Variants in ANAPC1 observed in about 807,000 individuals in gnomAD.
The protein encoded by ANAPC1 is anaphase promoting complex subunit 1.
Under a neutral mutation model 208.0 loss-of-function variants are expected in ANAPC1, and 36 were observed. The observed-to-expected ratio is 0.17, with a 90% CI of 0.13 to 0.23. The LOEUF (loss-of-function observed/expected upper bound fraction) is 0.23, where lower values mean the gene tolerates loss of function less well. ANAPC1 is among the 10% of genes least tolerant of loss of function. The pLI, the probability that ANAPC1 is intolerant of heterozygous loss-of-function variation, is 1.00. For missense variants in ANAPC1, 942 were observed against 2,011.6 expected (o/e 0.47, Z 10.17); for synonymous variants, 378 against 695.2 (o/e 0.54, Z 7.18).
intron 21 of ANAPC1, 125 bp from the exon 22 acceptor site, chr2:111,825,980 A>C (rs1679811184): frequency 4.1e-6 from 3 of 723,312 alleles, no homozygotes; most frequent in Non-Finnish European, 6.6e-6. Flanking sequence ...TGGCTCAAGC[A>C]ATCTTCCTGC....
At chr2:111,875,635 A>C (rs1049630544) in intron 3 of ANAPC1, among the ~76,000 whole-genome samples, 1 of 152,144 alleles carries the variant, frequency 6.6e-6, no homozygotes, top group Non-Finnish European at 1.5e-5. Flanking sequence ...ATCTCTTCTC[A>C]AAACACAAAA....
intron 34 of ANAPC1, among the ~76,000 whole-genome samples, chr2:111,796,399 C>T (rs1407658114): frequency 2.0e-5 from 3 of 147,240 alleles, no homozygotes; most frequent in Non-Finnish European, 4.4e-5. Context: ...GGTGCGATCA[C>T]GGCTCATTGC....
In ANAPC1 at chr2:111,846,550, T is replaced by TAC. The variant is rs1472004873; in HGVS notation, c.1852+587_1852+588insGT. 2.8e-3 allele frequency among the ~76,000 whole-genome samples: 199 copies of TAC among 70,414 alleles called. 1 individual carries two copies. Among genetic ancestry groups the TAC allele is most frequent in the Non-Finnish European group, 4.1e-3 (161 of 39,368 alleles). 46.2% of individuals were successfully genotyped at this position (70,414 alleles called of 152,430 possible). A position where few individuals can be genotyped will look rare whatever the true frequency, so the allele number is the denominator to read the frequency against. On this transcript the variant is annotated intron_variant, in intron 16 of 47. Transcript: ENST00000341068. ...ATACATATACATATATATATATATA[T>TAC]ATATATATATTTTTTTTTTTTTTTT...
At chr2:111,823,000 C>CTTTTT (rs58815496) in intron 24 of ANAPC1, among the ~76,000 whole-genome samples, 6 of 61,312 alleles carry the variant, frequency 9.8e-5, no homozygotes, top group African/African-American at 2.8e-4. Context: ...TCTTTTTATT[C>CTTTTT]TTTTTTTTTT....
intron 26 of ANAPC1, among the ~76,000 whole-genome samples, chr2:111,820,292 C>T (rs1169703037): frequency 6.6e-5 from 10 of 152,220 alleles, no homozygotes; most frequent in Non-Finnish European, 1.3e-4. Flanking sequence ...ATACACAGCA[C>T]CATCCCATGA....
chr2:111,815,166 A>G (rs989669584), intron 28 of ANAPC1, among the ~76,000 whole-genome samples: 7 of 146,354 alleles, frequency 4.8e-5, no homozygotes, highest in African/African-American at 1.3e-4. Context: ...AAAAAAAAAA[A>G]GCAATGGGAG....
chr2:111,864,125 A>C (rs940537111), intron 8 of ANAPC1, among the ~76,000 whole-genome samples: 1 of 151,978 alleles, frequency 6.6e-6, no homozygotes, highest in African/African-American at 2.4e-5. Flanking sequence ...CAAGGAATTC[A>C]AGACCAGCCT....
chr2:111,875,383 G>A (rs1025475646), intron 3 of ANAPC1, among the ~76,000 whole-genome samples: 1 of 107,950 alleles, frequency 9.3e-6, no homozygotes, highest in Non-Finnish European at 2.2e-5. Context: ...ACAATGCACC[G>A]ATTACAGTCT....
At chr2:111,833,122 G>C (rs992388777) in intron 20 of ANAPC1, 98 bp downstream of exon 20, 3 of 1,420,784 alleles carry the variant, frequency 2.1e-6, no homozygotes, top group Non-Finnish European at 2.8e-6. Context: ...TGACTTAGAA[G>C]CTAATGGTAA....
At chr2:111,766,888 T>A, downstream of ANAPC1, 1 of 464,872 alleles carries the variant, frequency 2.2e-6, no homozygotes, top group South Asian at 1.6e-5. Flanking sequence ...GTCAGCTAGT[T>A]ACTAGACAAA....
chr2:111,860,958 T>C (rs1682030223), intron 10 of ANAPC1, among the ~76,000 whole-genome samples: 1 of 152,218 alleles, frequency 6.6e-6, no homozygotes, highest in Admixed American at 6.5e-5. Flanking sequence ...ACCTATAAGC[T>C]GACAATTCCA....
Position 111,829,574 on chromosome 2 carries a change from AC to A in ANAPC1, c.2625+1711del, listed in dbSNP as rs1680020561. 2.0e-5 allele frequency among the ~76,000 whole-genome samples: 3 copies of A among 152,180 alleles called. No individual in the cohort carries two copies. In the East Asian group the frequency reaches 5.8e-4, roughly 29 times the overall value. ...GTATGCCAAGAAACTTACCTTATTC[AC>A]CGTTACAGCCCTATGGTTCTATATG... On this transcript the variant is annotated intron_variant, in intron 21 of 47. Coordinates refer to ENST00000341068, the MANE Select transcript of ANAPC1 (RefSeq NM_022662.4).
intron 8 of ANAPC1, 24 bp downstream of exon 8, chr2:111,864,782 G>A (rs779402110): frequency 3.6e-5 from 58 of 1,609,996 alleles, no homozygotes; most frequent in African/African-American, 5.4e-5. Context: ...CTATTAAGGA[G>A]AAGTGACTTG....
At position 111,774,851 on chromosome 2, in the gene ANAPC1, T is replaced by C. The variant is rs1676921329; in HGVS notation, c.5584+2008A>G. Among the ~76,000 whole-genome samples, 4 of 126,438 alleles carry C rather than the reference T, an allele frequency of 3.2e-5. No individual in the cohort carries two copies. The South Asian group carries it at 1.2e-3, about 38-fold the overall frequency. 82.9% of individuals were successfully genotyped at this position (126,438 alleles called of 152,430 possible). A position where few individuals can be genotyped will look rare whatever the true frequency, so the allele number is the denominator to read the frequency against. On this transcript the variant is annotated intron_variant, in intron 46 of 47. Transcript: ENST00000341068. ...GTTTATTACACTAGTCTACTTACTT[T>C]GTATATTCTTTAAATTTCCATAACA...
Position 111,858,251 on chromosome 2 carries a change from G to C in ANAPC1, c.1358+55C>G, listed in dbSNP as rs1387695104. On this transcript the variant is annotated intron_variant, in intron 11 of 47. Transcript: ENST00000341068. ...AAAAAAAAAGGAAAGAAAAGAAAAAGAAAAAGCAGTGCTAAGTTATTTATA... is the reference window on the plus strand; with the variant it reads ...AAAAAAAAAGGAAAGAAAAGAAAAACAAAAAGCAGTGCTAAGTTATTTATA... 9.9e-6 allele frequency: 13 copies of C among 1,318,252 alleles called. No individual in the cohort carries two copies. In the East Asian group the frequency reaches 3.3e-4, roughly 33 times the overall value. The allele number at this position is 1,318,252 out of a possible 1,614,324, so 81.7% of individuals were successfully genotyped here. A position where few individuals can be genotyped will look rare whatever the true frequency, so the allele number is the denominator to read the frequency against.
chr2:111,782,255 C>T (rs1172589408), intron 43 of ANAPC1, 114 bp downstream of exon 43: 2 of 1,068,070 alleles, frequency 1.9e-6, no homozygotes, highest in Non-Finnish European at 2.7e-6. Context: ...TCAGTCTTTA[C>T]AATCTGCAAC....
intron 34 of ANAPC1, among the ~76,000 whole-genome samples, chr2:111,798,831 G>A (rs1237212733): frequency 1.3e-5 from 2 of 152,252 alleles, no homozygotes; most frequent in Admixed American, 6.5e-5. Context: ...TCAGGAGATC[G>A]AGACCATCTT....
chr2:111,858,297 T>C lies in ANAPC1; in HGVS notation c.1358+9A>G, dbSNP rs751800347. 2 of 1,607,070 alleles carry C rather than the reference T, an allele frequency of 1.2e-6. No homozygotes were observed. The highest frequency in any genetic ancestry group is 1.7e-6 in the Non-Finnish European group (2 of 1,174,740). ...TTATACAGAAACAATGGGAAAGACATACACCTACCGTAACTGGAGCTGGGA... is the reference window on the plus strand; with the variant it reads ...TTATACAGAAACAATGGGAAAGACACACACCTACCGTAACTGGAGCTGGGA... On this transcript the variant is annotated intron_variant, in intron 11 of 47. Coordinates refer to ENST00000341068, the MANE Select transcript of ANAPC1 (RefSeq NM_022662.4).
chr2:111,847,250 T>C (rs566913842), intron 15 of ANAPC1, 52 bp from the exon 16 acceptor site: 1 of 1,352,244 alleles, frequency 7.4e-7, no homozygotes, highest in Non-Finnish European at 1.0e-6. Flanking sequence ...TCTAAGTCTT[T>C]GAATGTCTTA....
Sources: allele counts gnomAD v4.1 joint callset (sites outside exome capture counted in the v4.1 genomes callset), GRCh38; gene constraint gnomAD v4.1.1; transcripts MANE v1.5; gene names NCBI Gene and HGNC (gene_info 2026-07-23, HGNC 2026-07-21).